SPAG17: variants seen among roughly 807,000 people sequenced by gnomAD.
SPAG17 encodes the protein sperm-associated antigen 17.
SPAG17 carries 169 observed loss-of-function variants against 273.6 expected under a neutral mutation model. That is an observed-to-expected ratio of 0.62 (90% CI 0.55 to 0.70). The LOEUF is 0.70. SPAG17 is among the 30% of genes least tolerant of loss of function. The pLI is 0.00. For missense variants in SPAG17, 2,557 were observed against 2,627.8 expected (o/e 0.97, Z 0.59); for synonymous variants, 825 against 873.2 (o/e 0.94, Z 0.97).
rs1384962522 is a variant in SPAG17, at chr1:117,968,815, G to A, written c.6387+1241C>T. Among the ~76,000 whole-genome samples, 4 of 152,280 alleles carry A rather than the reference G, an allele frequency of 2.6e-5. No homozygotes were observed. The East Asian group carries it at 7.7e-4, about 29-fold the overall frequency. On this transcript the variant is annotated intron_variant, in intron 46 of 48. Transcript: ENST00000336338. ...ATACTTTTGTGCACTGTTCTCACAG[G>A]CCTATGCACTCTTCGCATCTGTGAT...
intron 18 of SPAG17, among the ~76,000 whole-genome samples, chr1:118,062,739 C>T (rs1390668240): frequency 6.6e-6 from 1 of 151,752 alleles, no homozygotes; most frequent in African/African-American, 2.4e-5. Context: ...CTCAAAAATC[C>T]AAAAGATTGT....
intron 20 of SPAG17, among the ~76,000 whole-genome samples, chr1:118,051,291 T>C (rs1557958755): frequency 6.6e-6 from 1 of 152,020 alleles, no homozygotes; most frequent in African/African-American, 2.4e-5. Flanking sequence ...ACACTGATGA[T>C]GGGAATATAA....
chr1:118,007,418 G>C (rs1230956302), intron 31 of SPAG17, among the ~76,000 whole-genome samples: 1 of 152,164 alleles, frequency 6.6e-6, no homozygotes, highest in Non-Finnish European at 1.5e-5. Flanking sequence ...CCTTTCTCCA[G>C]CAAGTGAAAA....
rs1557910490 is a variant in SPAG17 at position 118,016,156 on chromosome 1, TTGA to T, written c.4093_4095del (p.Ser1365del). On this transcript the variant is annotated inframe_deletion, in exon 29 of 49. Transcript: ENST00000336338. ...TCATGGATTTCACCCTTATGGGCCA[TTGA>T]TGACTGACTTTTGTGACTTTTTCCT... The T allele has an allele frequency of 6.2e-7, 1 of 1,613,240 alleles. No individual in the cohort carries two copies. Among genetic ancestry groups the T allele is most frequent in the African/African-American group, 1.3e-5 (1 of 74,918 alleles).
intron 15 of SPAG17, chr1:118,076,663 G>C (rs563429179): frequency 6.6e-6 from 1 of 152,172 alleles, no homozygotes; most frequent in African/African-American, 2.4e-5. Flanking sequence ...TTATGCATCA[G>C]TTATTTTGTC....
intron 3 of SPAG17, among the ~76,000 whole-genome samples, chr1:118,130,691 G>A (rs1468129128): frequency 6.6e-6 from 1 of 152,150 alleles, no homozygotes; most frequent in Non-Finnish European, 1.5e-5. Context: ...AATCTTATCA[G>A]AAGCAACAAA....
rs751725251 is a variant in SPAG17, at chr1:118,016,170, T to C, written c.4082A>G (p.Lys1361Arg). 3.7e-6 allele frequency: 6 copies of C among 1,612,658 alleles called. No individual in the cohort carries two copies. The highest frequency in any genetic ancestry group is 1.7e-4 in the Middle Eastern group (1 of 6,048). ...CTTATGGGCCATTGATGACTGACTT[T>C]TGTGACTTTTTCCTGTGAAGTTCAA... ...ITNTKKGKSH[K>R]SQSSMAHKGE... The change falls in exon 29 of 49, where the codon AAA becomes AGA. Residue 1361 changes from lysine (K) to arginine (R), a missense_variant. By Grantham distance (26) the Lys-to-Arg change is conservative. Transcript: ENST00000336338.
In SPAG17 at chr1:117,970,079, T is replaced by G; in HGVS notation, c.6364A>C (p.Lys2122Gln). ...VKQPPPSTGLKVTYKPGPVAA... is the reference protein window; with the variant it reads ...VKQPPPSTGLQVTYKPGPVAA... Reference sequence around the variant, plus strand: ...ACAGGTCCAGGTTTGTAAGTCACTTTCAGTCCTGTGCTGGGTGGGGGCTGC... The same window carrying G: ...ACAGGTCCAGGTTTGTAAGTCACTTGCAGTCCTGTGCTGGGTGGGGGCTGC... Residue 2122 changes from lysine (K) to glutamine (Q), a missense_variant, in exon 46 of 49, where the codon AAA (lysine) becomes CAA (glutamine). Physicochemically the swap from Lys to Gln is moderately conservative, Grantham distance 53 (BLOSUM62 1). Transcript: ENST00000336338. 6.2e-7 allele frequency: 1 copy of G among 1,613,650 alleles called. No individual in the cohort carries two copies. The highest frequency in any genetic ancestry group is 8.5e-7 in the Non-Finnish European group (1 of 1,179,808).
intron 1 of SPAG17, among the ~76,000 whole-genome samples, chr1:118,155,715 G>C (rs1382318153): frequency 6.6e-6 from 1 of 152,218 alleles, no homozygotes; most frequent in African/African-American, 2.4e-5. Flanking sequence ...GTTTTATTAA[G>C]AGCTACTTAA....
chr1:117,982,646 C>G (rs1390652375), intron 42 of SPAG17, among the ~76,000 whole-genome samples: 1 of 152,154 alleles, frequency 6.6e-6, no homozygotes, highest in East Asian at 1.9e-4. Flanking sequence ...AGACATTCTC[C>G]TACATATTCA....
intron 4 of SPAG17, among the ~76,000 whole-genome samples, chr1:118,110,013 G>C (rs1016465964): frequency 3.9e-5 from 6 of 152,084 alleles, no homozygotes; most frequent in African/African-American, 1.4e-4. Context: ...TGGAGAACTA[G>C]GTCTAAGTGG....
intron 4 of SPAG17, among the ~76,000 whole-genome samples, chr1:118,107,575 G>T (rs991075496): frequency 6.6e-6 from 1 of 152,052 alleles, no homozygotes; most frequent in Non-Finnish European, 1.5e-5. Flanking sequence ...GCCCAGACTG[G>T]ACTCAAACTC....
intron 18 of SPAG17, among the ~76,000 whole-genome samples, chr1:118,057,265 T>G (rs1159944610): frequency 2.0e-5 from 3 of 152,218 alleles, no homozygotes; most frequent in Admixed American, 2.0e-4. Context: ...CTCACCACCT[T>G]TACTGTTATT....
intron 4 of SPAG17, among the ~76,000 whole-genome samples, chr1:118,104,657 TA>T (rs1346258537): frequency 6.6e-6 from 1 of 151,896 alleles, no homozygotes. Context: ...GCGAAGTGGA[TA>T]AAAAGATAGG....
At chr1:118,184,088 AAC>A (rs1041772191) in intron 1 of SPAG17, among the ~76,000 whole-genome samples, 1 of 152,124 alleles carries the variant, frequency 6.6e-6, no homozygotes, top group African/African-American at 2.4e-5. Flanking sequence ...AGGAAAAAAA[AAC>A]AGTTATAGTG....
At chr1:118,156,310 C>A (rs1659646233) in intron 1 of SPAG17, among the ~76,000 whole-genome samples, 1 of 152,164 alleles carries the variant, frequency 6.6e-6, no homozygotes, top group Non-Finnish European at 1.5e-5. Context: ...GGAAATGGAG[C>A]AGGGCTCTAT....
At chr1:118,021,847 T>A (rs1660526971) in intron 28 of SPAG17, among the ~76,000 whole-genome samples, 1 of 152,124 alleles carries the variant, frequency 6.6e-6, no homozygotes, top group Non-Finnish European at 1.5e-5. Context: ...TTATATCAAG[T>A]CCTCTGTATC....
intron 29 of SPAG17, among the ~76,000 whole-genome samples, chr1:118,015,298 C>T (rs1318089443): frequency 1.3e-5 from 2 of 151,042 alleles, no homozygotes; most frequent in Non-Finnish European, 2.9e-5. Flanking sequence ...AAAATCCTGG[C>T]ACACAGAAAG....
At chr1:117,977,211 C>T (rs753107324) in intron 43 of SPAG17, among the ~76,000 whole-genome samples, 17 of 151,632 alleles carry the variant, frequency 1.1e-4, no homozygotes, top group Non-Finnish European at 2.4e-4. Context: ...ATCCCAGCTA[C>T]TCAGGAGGCT....
Sources: gnomAD v4.1 joint callset for allele counts (sites outside exome capture counted in the v4.1 genomes callset) on GRCh38, gnomAD v4.1.1 for gene constraint, MANE v1.5 for transcripts, NCBI Gene and HGNC (gene_info 2026-07-23, HGNC 2026-07-21) for gene names.